The following DGKB variants were observed in gnomAD, a reference collection of about 807,000 sequenced individuals.
DGKB encodes the protein diacylglycerol kinase beta, also known as 90 kDa diacylglycerol kinase.
In DGKB, 67 loss-of-function variants were observed where a neutral mutation model predicts 114.3. The ratio of observed to expected loss-of-function variants is 0.59; its 90% CI spans 0.48 to 0.72. The LOEUF (loss-of-function observed/expected upper bound fraction) is 0.72. Among genes scored for constraint, DGKB ranks in the 30% least tolerant of loss-of-function variants. The probability of loss-of-function intolerance (pLI) is 0.00; values close to 1 mark genes in which losing one functional copy is unlikely to be tolerated. For missense variants in DGKB, 907 were observed against 975.2 expected (o/e 0.93, Z 0.93); for synonymous variants, 398 against 323.1 (o/e 1.23, Z -2.49).
intron 21 of DGKB, among the ~76,000 whole-genome samples, chr7:14,453,005 C>T (rs780049139): frequency 2.0e-5 from 3 of 152,108 alleles, no homozygotes; most frequent in Non-Finnish European, 2.9e-5. Flanking sequence ...AACATTGTAA[C>T]GTGGTCCATG....
chr7:14,616,678 C>A (rs948009072), intron 15 of DGKB, among the ~76,000 whole-genome samples: 6 of 151,642 alleles, frequency 4.0e-5, no homozygotes, highest in Non-Finnish European at 8.9e-5. Flanking sequence ...AGATGACTTC[C>A]TAGTTGATTT....
At chr7:14,609,759 CAT>C (rs139236916) in intron 16 of DGKB, among the ~76,000 whole-genome samples, 9,727 of 151,868 alleles carry the variant, frequency 0.064, 1,050 homozygotes, top group African/African-American at 0.22. Context: ...AGGAAACAAA[CAT>C]ATGAAAACAT....
At chr7:14,547,885 A>G (rs1794543449) in intron 20 of DGKB, among the ~76,000 whole-genome samples, 1 of 152,302 alleles carries the variant, frequency 6.6e-6, no homozygotes, top group Non-Finnish European at 1.5e-5. Flanking sequence ...ATCCTGGAGC[A>G]TTTTTTAGAA....
chr7:14,475,183 T>C (rs1781984893), intron 21 of DGKB, among the ~76,000 whole-genome samples: 1 of 152,146 alleles, frequency 6.6e-6, no homozygotes, highest in Non-Finnish European at 1.5e-5. Flanking sequence ...TGGCATGTGA[T>C]TTATTGTGAC....
At chr7:14,466,603 T>C (rs1780503510) in intron 21 of DGKB, among the ~76,000 whole-genome samples, 1 of 151,330 alleles carries the variant, frequency 6.6e-6, no homozygotes, top group Non-Finnish European at 1.5e-5. Flanking sequence ...ATCCTCAGTG[T>C]TCCATAAATA....
intron 20 of DGKB, among the ~76,000 whole-genome samples, chr7:14,528,021 A>G (rs980336306): frequency 6.6e-6 from 1 of 152,130 alleles, no homozygotes; most frequent in Non-Finnish European, 1.5e-5. Context: ...CCAAAAAAGC[A>G]TCTTTGGGTA....
chr7:14,571,683 G>A (rs1395484819), intron 20 of DGKB, among the ~76,000 whole-genome samples: 2 of 152,174 alleles, frequency 1.3e-5, no homozygotes, highest in African/African-American at 4.8e-5. Context: ...CGGAAGAGAC[G>A]AAAGAAAGGC....
At chr7:14,157,469 G>A (rs1783190404) in intron 25 of DGKB, among the ~76,000 whole-genome samples, 2 of 150,890 alleles carry the variant, frequency 1.3e-5, no homozygotes, top group African/African-American at 4.9e-5. Context: ...CAAATTCAGA[G>A]AAATCATTGT....
intron 1 of DGKB, among the ~76,000 whole-genome samples, chr7:14,917,335 G>T (rs565680323): frequency 1.1e-4 from 17 of 152,002 alleles, no homozygotes; most frequent in African/African-American, 3.9e-4. Context: ...ATCAATGAAA[G>T]CAAAAGTTAG....
intron 20 of DGKB, among the ~76,000 whole-genome samples, chr7:14,530,321 A>C (rs1440168415): frequency 2.0e-5 from 3 of 151,586 alleles, no homozygotes; most frequent in Admixed American, 2.0e-4. Context: ...GGTCATCCTG[A>C]GAAAAGGAGT....
intron 22 of DGKB, among the ~76,000 whole-genome samples, chr7:14,343,386 CTAAA>C (rs1351074885): frequency 1.3e-5 from 2 of 151,816 alleles, no homozygotes; most frequent in African/African-American, 2.4e-5. Context: ...GGAGAACATT[CTAAA>C]TAGTTTTTCT....
In DGKB at chr7:14,334,497, T is replaced by C. The variant is rs149139205; in HGVS notation, c.2122+4018A>G. Among the ~76,000 whole-genome samples the C allele has an allele frequency of 9.3e-3, 1,407 of 152,000 alleles. 5 individuals carry two copies. Among genetic ancestry groups the C allele is most frequent in the South Asian group, 0.015 (71 of 4,804 alleles). ...AGAAGGAGGAGAAGTTGTTTTTGTCTGGTAACACAAGTTAATGATTTGAGA... is the reference window on the plus strand; with the variant it reads ...AGAAGGAGGAGAAGTTGTTTTTGTCCGGTAACACAAGTTAATGATTTGAGA... On this transcript the variant is annotated intron_variant, in intron 23 of 25. Coordinates refer to ENST00000402815, the MANE Select transcript of DGKB (RefSeq NM_001350709.2).
chr7:14,973,013 C>G (rs1787566107), intron 1 of DGKB, among the ~76,000 whole-genome samples: 1 of 151,890 alleles, frequency 6.6e-6, no homozygotes, highest in Non-Finnish European at 1.5e-5. Context: ...TGGTTTGGAA[C>G]AGATTTTTTT....
intron 21 of DGKB, among the ~76,000 whole-genome samples, chr7:14,422,801 A>ATAG (rs1826918158): frequency 6.6e-6 from 1 of 152,028 alleles, no homozygotes. Flanking sequence ...GATAATAATA[A>ATAG]TAGTAGTAGT....
intron 6 of DGKB, 135 bp from the exon 7 acceptor site, chr7:14,701,865 T>C (rs186222382): frequency 1.6e-6 from 1 of 618,236 alleles, no homozygotes; most frequent in Non-Finnish European, 2.9e-6. Context: ...AATTAATTTG[T>C]GGGATTATTT....
intron 23 of DGKB, among the ~76,000 whole-genome samples, chr7:14,240,311 G>A (rs908270695): frequency 1.3e-5 from 2 of 152,006 alleles, no homozygotes; most frequent in African/African-American, 4.8e-5. Flanking sequence ...TAGTACTTGT[G>A]AAAAGTCATA....
At chr7:14,963,662 T>A (rs951947919) in intron 1 of DGKB, among the ~76,000 whole-genome samples, 1 of 152,192 alleles carries the variant, frequency 6.6e-6, no homozygotes, top group Admixed American at 6.6e-5. Context: ...TGGACAATTG[T>A]TTGATACGCT....
intron 23 of DGKB, among the ~76,000 whole-genome samples, chr7:14,235,481 G>A (rs747243232): frequency 7.9e-5 from 12 of 152,052 alleles, no homozygotes; most frequent in Non-Finnish European, 1.5e-4. Flanking sequence ...CAGAATACAA[G>A]AGTGGATATC....
intron 20 of DGKB, among the ~76,000 whole-genome samples, chr7:14,493,436 G>A (rs575080351): frequency 3.9e-5 from 6 of 152,022 alleles, no homozygotes; most frequent in African/African-American, 1.4e-4. Flanking sequence ...CACATATACT[G>A]TAATAAAAGT....
Sources: allele counts gnomAD v4.1 joint callset (sites outside exome capture counted in the v4.1 genomes callset), GRCh38; gene constraint gnomAD v4.1.1; transcripts MANE v1.5; gene names NCBI Gene and HGNC (gene_info 2026-07-23, HGNC 2026-07-21).